The following RARB variants were observed in gnomAD, a reference collection of about 807,000 sequenced individuals.
RARB encodes the protein retinoic acid receptor beta.
A neutral mutation model predicts 51.9 loss-of-function variants in RARB; 17 were observed. The ratio of observed to expected loss-of-function variants is 0.33; its 90% confidence interval spans 0.22 to 0.49. The LOEUF is 0.49. RARB is among the 20% of genes least tolerant of loss of function. The pLI, the probability that RARB is intolerant of heterozygous loss-of-function variation, is 0.99. For missense variants in RARB, 369 were observed against 550.8 expected (o/e 0.67, Z 3.30); for synonymous variants, 215 against 195.4 (o/e 1.10, Z -0.84).
At chr3:25,501,529 G>C (rs184441875) in intron 3 of RARB, among the ~76,000 whole-genome samples, 1 of 152,190 alleles carries the variant, frequency 6.6e-6, no homozygotes, top group South Asian at 2.1e-4. Context: ...GGAGTTAGGC[G>C]TCGTGGATGT....
intron 5 of RARB, among the ~76,000 whole-genome samples, chr3:25,399,318 G>A (rs1439981189): frequency 6.6e-6 from 1 of 152,072 alleles, no homozygotes; most frequent in Admixed American, 6.6e-5. Context: ...CTTCAGTGTA[G>A]CAATTTGCAC....
rs547565907 is a variant in RARB at position 24,924,473 on chromosome 3, A to G, written c.-380+65721A>G. ...AGCCACTAGCTAGATATGGCTGCTGAGTACTGGAAATATGGGTAATGTGAG... is the reference window on the plus strand; with the variant it reads ...AGCCACTAGCTAGATATGGCTGCTGGGTACTGGAAATATGGGTAATGTGAG... On this transcript the variant is annotated intron_variant, in intron 2 of 11. Coordinates refer to the RARB transcript ENST00000383772. Among the ~76,000 whole-genome samples the G allele has an allele frequency of 9.6e-4, 146 of 152,294 alleles. 1 individual carries two copies. The highest frequency in any genetic ancestry group is 2.8e-4 in the Non-Finnish European group (19 of 68,014).
At chr3:25,009,119 G>C (rs985688278) in intron 2 of RARB, among the ~76,000 whole-genome samples, 1 of 152,014 alleles carries the variant, frequency 6.6e-6, no homozygotes, top group Non-Finnish European at 1.5e-5. Flanking sequence ...CTAGATTTAG[G>C]CTTTGTCACA....
intron 5 of RARB, among the ~76,000 whole-genome samples, chr3:25,260,369 T>C (rs907541695): frequency 1.3e-5 from 2 of 152,144 alleles, no homozygotes; most frequent in African/African-American, 4.8e-5. Context: ...CTGTCCCAGA[T>C]TGTGTTAGCC....
chr3:24,859,506 A>G (rs1281772208), intron 2 of RARB, among the ~76,000 whole-genome samples: 1 of 151,972 alleles, frequency 6.6e-6, no homozygotes, highest in Non-Finnish European at 1.5e-5. Flanking sequence ...CTTGCTTTAG[A>G]AGGTTTTGGT....
intron 2 of RARB, among the ~76,000 whole-genome samples, chr3:24,913,906 CA>C (rs1359847838): frequency 6.6e-6 from 1 of 152,194 alleles, no homozygotes; most frequent in African/African-American, 2.4e-5. Context: ...GTATTAGAAA[CA>C]GACTAATTTT....
intron 5 of RARB, among the ~76,000 whole-genome samples, chr3:25,182,735 G>A (rs543847244): frequency 6.6e-6 from 1 of 152,240 alleles, no homozygotes; most frequent in South Asian, 2.1e-4. Flanking sequence ...AATTATTATG[G>A]ATTAAATTGT....
intron 2 of RARB, among the ~76,000 whole-genome samples, chr3:25,028,830 G>T (rs1234300801): frequency 6.6e-6 from 1 of 152,172 alleles, no homozygotes; most frequent in South Asian, 2.1e-4. Flanking sequence ...GTCTGGAAAA[G>T]CCCTGCTGGA....
upstream of RARB, among the ~76,000 whole-genome samples, chr3:25,426,001 CCTCTT>C (rs1287059842): frequency 2.0e-5 from 3 of 152,150 alleles, no homozygotes. Flanking sequence ...ATAGCTGTTT[CCTCTT>C]CTCTTGTCTA....
intron 3 of RARB, among the ~76,000 whole-genome samples, chr3:25,095,168 A>C (rs1364012206): frequency 3.9e-5 from 6 of 152,188 alleles, no homozygotes; most frequent in Non-Finnish European, 1.5e-5. Flanking sequence ...TAAAAATTAC[A>C]GATGCCTGGC....
intron 4 of RARB, among the ~76,000 whole-genome samples, chr3:25,149,887 C>T (rs986792583): frequency 1.3e-5 from 2 of 151,488 alleles, no homozygotes; most frequent in Admixed American, 1.3e-4. Flanking sequence ...TATGCATAAG[C>T]AGCAGAACAT....
At chr3:25,146,209 T>C (rs919689408) in intron 4 of RARB, among the ~76,000 whole-genome samples, 1 of 152,208 alleles carries the variant, frequency 6.6e-6, no homozygotes, top group Admixed American at 6.5e-5. Flanking sequence ...CCATGTCTTA[T>C]GTATAATCAG....
At chr3:25,517,315 A>G (rs947551202) in intron 3 of RARB, among the ~76,000 whole-genome samples, 18 of 152,242 alleles carry the variant, frequency 1.2e-4, no homozygotes, top group African/African-American at 4.3e-4. Context: ...AAATAGCTCA[A>G]TTTTAAAATG....
At chr3:24,987,286 C>T (rs530295766) in intron 2 of RARB, among the ~76,000 whole-genome samples, 1 of 152,100 alleles carries the variant, frequency 6.6e-6, no homozygotes, top group South Asian at 2.1e-4. Flanking sequence ...TTCATTAAAA[C>T]ATTTCAAGGT....
intron 3 of RARB, among the ~76,000 whole-genome samples, chr3:25,090,018 C>A (rs1345560885): frequency 6.6e-6 from 1 of 152,062 alleles, no homozygotes; most frequent in Non-Finnish European, 1.5e-5. Context: ...TGTAACTTAT[C>A]AGAAAGATAT....
At chr3:25,317,013 T>C (rs181908970) in intron 5 of RARB, among the ~76,000 whole-genome samples, 24 of 149,210 alleles carry the variant, frequency 1.6e-4, no homozygotes, top group African/African-American at 5.6e-4. Flanking sequence ...ATGTATAAAT[T>C]TACAATTCTA....
intron 5 of RARB, among the ~76,000 whole-genome samples, chr3:25,304,743 C>T (rs907680196): frequency 1.3e-5 from 2 of 152,166 alleles, no homozygotes; most frequent in Admixed American, 6.6e-5. Flanking sequence ...AGACTGACCT[C>T]TGCACAGTAG....
chr3:25,210,097 AGG>A (rs1327800361), intron 5 of RARB, among the ~76,000 whole-genome samples: 6 of 152,188 alleles, frequency 3.9e-5, no homozygotes, highest in African/African-American at 1.4e-4. Flanking sequence ...GTTTCAGAAT[AGG>A]CTCTATTGCT....
At chr3:25,583,393 A>C (rs1307671189) in intron 5 of RARB, among the ~76,000 whole-genome samples, 1 of 152,202 alleles carries the variant, frequency 6.6e-6, no homozygotes, top group Non-Finnish European at 1.5e-5. Context: ...GACCCTAGAA[A>C]GGAAACCCAG....
Sources: allele counts gnomAD v4.1 joint callset (sites outside exome capture counted in the v4.1 genomes callset), GRCh38; gene constraint gnomAD v4.1.1; transcripts MANE v1.5; gene names NCBI Gene and HGNC (gene_info 2026-07-23, HGNC 2026-07-21).